ARHGAP22: variants seen among roughly 807,000 people sequenced by gnomAD.
ARHGAP22 encodes rho GTPase-activating protein 22.
ARHGAP22 carries 48 observed loss-of-function variants against 59.1 expected under a neutral mutation model. That is an observed-to-expected ratio of 0.81 (90% CI 0.64 to 1.03). ARHGAP22 has a LOEUF of 1.03. Ranked by LOEUF, ARHGAP22 falls within the 50% of genes least tolerant of loss-of-function variation. The pLI, the probability that ARHGAP22 is intolerant of heterozygous loss-of-function variation, is 0.00. For missense variants in ARHGAP22, 1,015 were observed against 958.7 expected, an observed-to-expected ratio of 1.06 and a Z score of -0.78; for synonymous variants, 445 against 416.4, an observed-to-expected ratio of 1.07 and a Z score of -0.84.
chr10:48,525,994 G>T (rs1431122164), intron 3 of ARHGAP22, among the ~76,000 whole-genome samples: 1 of 152,174 alleles, frequency 6.6e-6, no homozygotes, highest in Non-Finnish European at 1.5e-5. Context: ...CACAGAGTAG[G>T]CTTCTTCATG....
chr10:48,576,769 CT>C (rs1167456144), intron 2 of ARHGAP22, among the ~76,000 whole-genome samples: 9 of 152,176 alleles, frequency 5.9e-5, no homozygotes, highest in African/African-American at 1.7e-4. Context: ...TATCTTTCTC[CT>C]TTTTTTAAGA....
At chr10:48,454,206 C>T in intron 6 of ARHGAP22, 45 bp from the exon 7 acceptor site, 1 of 1,540,980 alleles carries the variant, frequency 6.5e-7, no homozygotes, top group Admixed American at 1.7e-5. Context: ...AATGAGGGCC[C>T]TGACTGTTCT....
At chr10:48,507,863 T>G (rs1170804422) in intron 3 of ARHGAP22, among the ~76,000 whole-genome samples, 2 of 131,856 alleles carry the variant, frequency 1.5e-5, no homozygotes, top group Non-Finnish European at 3.1e-5. Flanking sequence ...CCAGACACAG[T>G]AATTACACCG....
Position 48,639,579 on chromosome 10 carries a change from C to A in ARHGAP22, c.52+12655G>T, listed in dbSNP as rs1216956666. ...GGCTGATTACTAAATTACACAGAAA[C>A]AAGAGTGACCCCTAGGAAGGCAGGT... On this transcript the variant is annotated intron_variant, in intron 1 of 9. Transcript: ENST00000435790. Among the ~76,000 whole-genome samples, 4 of 152,240 alleles carry A rather than the reference C, an allele frequency of 2.6e-5. No individual in the cohort carries two copies. In the South Asian group the frequency reaches 8.3e-4, roughly 32 times the overall value.
intron 9 of ARHGAP22, 45 bp downstream of exon 9, chr10:48,450,216 C>CAGGCTCCGCCCCGTCACAGG (rs754129545): frequency 6.7e-5 from 106 of 1,589,366 alleles, no homozygotes; most frequent in Non-Finnish European, 8.6e-5. Context: ...GCTCTCCCTG[C>CAGGCTCCGCCCCGTCACAGG]AGGCTCCGCC....
intron 3 of ARHGAP22, among the ~76,000 whole-genome samples, chr10:48,498,701 C>T (rs1209304844): frequency 1.3e-5 from 2 of 152,112 alleles, no homozygotes; most frequent in Admixed American, 6.5e-5. Flanking sequence ...ATTTCAGAAC[C>T]CAAAATGCCC....
intron 3 of ARHGAP22, among the ~76,000 whole-genome samples, chr10:48,536,186 C>T (rs1804617733): frequency 6.6e-6 from 1 of 152,238 alleles, no homozygotes; most frequent in South Asian, 2.1e-4. Context: ...AGGGGGAGGT[C>T]TCTGCCAGAC....
chr10:48,471,097 G>A (rs1353089544), intron 4 of ARHGAP22, among the ~76,000 whole-genome samples: 1 of 152,228 alleles, frequency 6.6e-6, no homozygotes, highest in Non-Finnish European at 1.5e-5. Flanking sequence ...TCAGGGAGCT[G>A]TATTTCTCCC....
upstream of ARHGAP22, among the ~76,000 whole-genome samples, chr10:48,654,249 A>G (rs2062669829): frequency 6.6e-6 from 1 of 152,180 alleles, no homozygotes; most frequent in Admixed American, 6.5e-5. Flanking sequence ...CATTCTCAAC[A>G]AAGTCCCCTC....
chr10:48,536,063 A>G (rs941623929), intron 3 of ARHGAP22, among the ~76,000 whole-genome samples: 3 of 152,128 alleles, frequency 2.0e-5, no homozygotes, highest in African/African-American at 7.2e-5. Context: ...CAAAGCATAG[A>G]TAGATGTTGG....
chr10:48,546,251 C>T (rs1003796682), intron 3 of ARHGAP22, among the ~76,000 whole-genome samples: 1 of 152,220 alleles, frequency 6.6e-6, no homozygotes, highest in African/African-American at 2.4e-5. Context: ...ACAGAATAGA[C>T]ATTGGTGGAG....
At chr10:48,462,253 G>GT (rs2047214756) in intron 4 of ARHGAP22, among the ~76,000 whole-genome samples, 3 of 128,918 alleles carry the variant, frequency 2.3e-5, no homozygotes, top group African/African-American at 5.7e-5. Flanking sequence ...CGGGGTGGGG[G>GT]GGGGGCACCT....
intron 7 of ARHGAP22, 140 bp downstream of exon 7, chr10:48,453,948 C>A (rs1177471003): frequency 7.0e-6 from 6 of 853,614 alleles, no homozygotes; most frequent in Non-Finnish European, 9.6e-6. Flanking sequence ...CTGCTTCGTC[C>A]ACGCTGGGTT....
At chr10:48,642,254 A>G (rs1317116311) in intron 1 of ARHGAP22, among the ~76,000 whole-genome samples, 1 of 152,208 alleles carries the variant, frequency 6.6e-6, no homozygotes, top group Non-Finnish European at 1.5e-5. Context: ...GTTCATATGG[A>G]AACAAAAAAG....
At chr10:48,496,578 G>A (rs556166355) in intron 3 of ARHGAP22, among the ~76,000 whole-genome samples, 21 of 152,246 alleles carry the variant, frequency 1.4e-4, no homozygotes, top group East Asian at 1.4e-3. Flanking sequence ...TGTTCTGGCC[G>A]CTCTCTTCAC....
chr10:48,646,757 T>C (rs2062317412), intron 1 of ARHGAP22, among the ~76,000 whole-genome samples: 1 of 152,222 alleles, frequency 6.6e-6, no homozygotes, highest in Non-Finnish European at 1.5e-5. Context: ...TAGCTCTAAA[T>C]GTAGATGCTA....
At chr10:48,466,275 C>A (rs982470228) in intron 4 of ARHGAP22, among the ~76,000 whole-genome samples, 7 of 151,848 alleles carry the variant, frequency 4.6e-5, no homozygotes, top group Non-Finnish European at 8.8e-5. Context: ...CTGCGCCCCC[C>A]CCCAGACTCT....
the ARHGAP22 span, chr10:48,435,059 T>TTGTTG: frequency 2.2e-6 from 1 of 448,006 alleles, no homozygotes; most frequent in Non-Finnish European, 4.3e-6. Context: ...GTGGGAGGGA[T>TTGTTG]GGGGAGTCGG....
chr10:48,474,283 T>G (rs888420422), intron 4 of ARHGAP22, among the ~76,000 whole-genome samples: 2 of 152,362 alleles, frequency 1.3e-5, no homozygotes, highest in African/African-American at 4.8e-5. Flanking sequence ...AAAATTGGTT[T>G]GTATATACTA....
Sources: allele counts gnomAD v4.1 joint callset (sites outside exome capture counted in the v4.1 genomes callset), GRCh38; gene constraint gnomAD v4.1.1; transcripts MANE v1.5; gene names NCBI Gene and HGNC (gene_info 2026-07-23, HGNC 2026-07-21).